ADAM23: variants seen among roughly 807,000 people sequenced by gnomAD.
ADAM23 encodes the protein ADAM metallopeptidase domain 23, also known as disintegrin and metalloproteinase domain-containing protein 23.
In ADAM23, 33 loss-of-function variants were observed where a neutral mutation model predicts 120.1. That is an observed-to-expected ratio of 0.27 (90% CI 0.21 to 0.37). ADAM23 has a LOEUF of 0.37. Among genes scored for constraint, ADAM23 ranks in the 10% least tolerant of loss-of-function variants. The pLI, the probability that ADAM23 is intolerant of heterozygous loss-of-function variation, is 1.00. For missense variants in ADAM23, 862 were observed against 1,058.2 expected, an observed-to-expected ratio of 0.81 and a Z score of 2.57; for synonymous variants, 367 against 375.2, an observed-to-expected ratio of 0.98 and a Z score of 0.25.
intron 13 of ADAM23, among the ~76,000 whole-genome samples, chr2:206,564,782 G>A (rs780866071): frequency 6.6e-6 from 1 of 152,170 alleles, no homozygotes; most frequent in Non-Finnish European, 1.5e-5. Context: ...ATAATGAAGA[G>A]AGGCACAATA....
chr2:206,510,884 A>G (rs1431959973), intron 3 of ADAM23, among the ~76,000 whole-genome samples: 3 of 152,082 alleles, frequency 2.0e-5, no homozygotes, highest in Admixed American at 2.0e-4. Context: ...AACACTATTT[A>G]TGTTCATTGT....
intron 3 of ADAM23, among the ~76,000 whole-genome samples, chr2:206,520,278 A>C (rs1696816348): frequency 6.6e-6 from 1 of 152,164 alleles, no homozygotes; most frequent in African/African-American, 2.4e-5. Flanking sequence ...GTGCAGGAGA[A>C]ATCAAGAGTT....
chr2:206,537,227 T>A (rs1055171290), intron 4 of ADAM23, among the ~76,000 whole-genome samples: 3 of 152,180 alleles, frequency 2.0e-5, no homozygotes, highest in African/African-American at 7.2e-5. Flanking sequence ...TTCTTTGTGC[T>A]TTCCTTATCA....
At chr2:206,458,864 A>G (rs1250018667) in intron 2 of ADAM23, among the ~76,000 whole-genome samples, 1 of 152,246 alleles carries the variant, frequency 6.6e-6, no homozygotes, top group African/African-American at 2.4e-5. Context: ...ATGAAATGGA[A>G]CAATTATAAA....
At chr2:206,471,745 C>T (rs917603733) in intron 2 of ADAM23, among the ~76,000 whole-genome samples, 4 of 151,852 alleles carry the variant, frequency 2.6e-5, no homozygotes, top group African/African-American at 9.7e-5. Context: ...TAGGAATTGA[C>T]GAGGAAAAAG....
intron 3 of ADAM23, 45 bp downstream of exon 3, chr2:206,481,353 G>A: frequency 7.0e-7 from 1 of 1,438,112 alleles, no homozygotes; most frequent in Non-Finnish European, 9.4e-7. Flanking sequence ...GTGCAATAAA[G>A]CTTTGTTTTT....
At chr2:206,534,415 T>C (rs1420747539) in intron 4 of ADAM23, among the ~76,000 whole-genome samples, 1 of 152,154 alleles carries the variant, frequency 6.6e-6, no homozygotes, top group African/African-American at 2.4e-5. Flanking sequence ...GGTTGATATG[T>C]TGGTACATTG....
intron 13 of ADAM23, 119 bp from the exon 14 acceptor site, chr2:206,564,901 T>C: frequency 9.4e-7 from 1 of 1,058,436 alleles, no homozygotes; most frequent in South Asian, 1.4e-5. Flanking sequence ...ATTCCGTGTC[T>C]ATTTGACTGA....
chr2:206,497,299 C>T (rs993450499), intron 3 of ADAM23, among the ~76,000 whole-genome samples: 2 of 152,152 alleles, frequency 1.3e-5, no homozygotes, highest in African/African-American at 4.8e-5. Context: ...AAAAGCTTAT[C>T]CACCATGATC....
intron 16 of ADAM23, among the ~76,000 whole-genome samples, chr2:206,571,391 C>T (rs1697995763): frequency 6.6e-6 from 1 of 152,134 alleles, no homozygotes; most frequent in African/African-American, 2.4e-5. Context: ...AGGAGAATGG[C>T]ATGAACCCGG....
At chr2:206,490,971 G>A (rs1696120907) in intron 3 of ADAM23, among the ~76,000 whole-genome samples, 1 of 152,142 alleles carries the variant, frequency 6.6e-6, no homozygotes. Context: ...TACTTAGGGT[G>A]TCTATGCAAC....
At chr2:206,501,367 G>A (rs1020140507) in intron 3 of ADAM23, among the ~76,000 whole-genome samples, 1 of 151,194 alleles carries the variant, frequency 6.6e-6, no homozygotes, top group Non-Finnish European at 1.5e-5. Flanking sequence ...ATTCTGTAAC[G>A]TTTTATCCCC....
chr2:206,469,113 A>G (rs765218721), intron 2 of ADAM23, among the ~76,000 whole-genome samples: 10 of 152,200 alleles, frequency 6.6e-5, no homozygotes, highest in Non-Finnish European at 1.2e-4. Context: ...TGGGGATTAC[A>G]ATTGAACATG....
chr2:206,521,154 G>A (rs1696835680), intron 3 of ADAM23, among the ~76,000 whole-genome samples: 1 of 152,074 alleles, frequency 6.6e-6, no homozygotes, highest in Non-Finnish European at 1.5e-5. Flanking sequence ...GTTATTTATG[G>A]TAGTAGGCTA....
intron 13 of ADAM23, 135 bp from the exon 14 acceptor site, chr2:206,564,885 C>A: frequency 1.1e-6 from 1 of 894,414 alleles, no homozygotes; most frequent in Non-Finnish European, 1.7e-6. Context: ...TTCTGTAAGA[C>A]TTCACATTCC....
At chr2:206,564,556 T>C (rs1167741673) in intron 13 of ADAM23, among the ~76,000 whole-genome samples, 2 of 152,220 alleles carry the variant, frequency 1.3e-5, no homozygotes, top group African/African-American at 2.4e-5. Context: ...CCGTCTAGTG[T>C]GAACCCCACA....
chr2:206,487,144 C>T (rs542201155), intron 3 of ADAM23, among the ~76,000 whole-genome samples: 42 of 152,236 alleles, frequency 2.8e-4, no homozygotes, highest in Non-Finnish European at 5.1e-4. Flanking sequence ...GGTGCTTGCA[C>T]GTGTTTGTTG....
chr2:206,568,554 G>GCTGGAAGT (rs1334639572), intron 15 of ADAM23, among the ~76,000 whole-genome samples: 1 of 152,178 alleles, frequency 6.6e-6, no homozygotes, highest in African/African-American at 2.4e-5. Context: ...CTTCAGCAAA[G>GCTGGAAGT]CTGGAAGTCT....
intron 21 of ADAM23, among the ~76,000 whole-genome samples, chr2:206,592,320 A>G (rs1698439945): frequency 6.6e-6 from 1 of 152,138 alleles, no homozygotes; most frequent in Admixed American, 6.6e-5. Context: ...CTCTAGGAAG[A>G]CGAGAAGGGG....
Sources: gnomAD v4.1 joint callset for allele counts (sites outside exome capture counted in the v4.1 genomes callset) on GRCh38, gnomAD v4.1.1 for gene constraint, MANE v1.5 for transcripts, NCBI Gene and HGNC (gene_info 2026-07-23, HGNC 2026-07-21) for gene names.